Variants in RGS6 observed in about 807,000 individuals in gnomAD.
RGS6 encodes the protein regulator of G-protein signaling 6.
Under a neutral mutation model 78.5 loss-of-function variants are expected in RGS6, and 30 were observed. That is an observed-to-expected ratio of 0.38 (90% confidence interval 0.29 to 0.52). RGS6 has a LOEUF of 0.52. RGS6 is among the 20% of genes least tolerant of loss of function. The probability of loss-of-function intolerance (pLI) is 0.85; values close to 1 mark genes in which losing one functional copy is unlikely to be tolerated. For synonymous variants in RGS6, 206 were observed against 206.0 expected (o/e 1.00, Z 0.00); for missense variants, 495 against 609.7 (o/e 0.81, Z 1.98).
At chr14:72,479,029 T>C (rs1566945702) in intron 12 of RGS6, among the ~76,000 whole-genome samples, 1 of 152,238 alleles carries the variant, frequency 6.6e-6, no homozygotes, top group Non-Finnish European at 1.5e-5. Context: ...TATTCATCCA[T>C]ATGCTACCGT....
intron 2 of RGS6, among the ~76,000 whole-genome samples, chr14:72,129,138 A>C (rs1398752664): frequency 1.3e-5 from 2 of 152,168 alleles, no homozygotes; most frequent in Non-Finnish European, 2.9e-5. Context: ...GGGCTGAGAA[A>C]ACTGCGTGGA....
chr14:72,492,726 C>T (rs998971257), intron 12 of RGS6, among the ~76,000 whole-genome samples: 26 of 152,166 alleles, frequency 1.7e-4, no homozygotes, highest in African/African-American at 6.3e-4. Flanking sequence ...ACCCTGCTCT[C>T]AGGCCTCCAG....
At chr14:72,374,360 A>G (rs1278479662) in intron 3 of RGS6, among the ~76,000 whole-genome samples, 1 of 151,968 alleles carries the variant, frequency 6.6e-6, no homozygotes, top group Non-Finnish European at 1.5e-5. Context: ...TGTCCCTGCA[A>G]TAGTTTGCTG....
the RGS6 span, among the ~76,000 whole-genome samples, chr14:71,868,865 G>A: frequency 1.3e-5 from 2 of 152,268 alleles, no homozygotes; most frequent in African/African-American, 2.4e-5. Context: ...ATTCTAGGGT[G>A]CCTAGCACAG....
At chr14:72,032,146 C>T (rs773414296) in intron 2 of RGS6, among the ~76,000 whole-genome samples, 1 of 152,032 alleles carries the variant, frequency 6.6e-6, no homozygotes, top group Non-Finnish European at 1.5e-5. Context: ...TGTCTGCTAA[C>T]CGTTACATAA....
the RGS6 span, among the ~76,000 whole-genome samples, chr14:72,624,835 G>C: frequency 6.6e-6 from 1 of 152,188 alleles, no homozygotes; most frequent in South Asian, 2.1e-4. Flanking sequence ...CTCATGATAA[G>C]ATCCACATAT....
the RGS6 span, among the ~76,000 whole-genome samples, chr14:72,580,834 A>T: frequency 6.6e-6 from 1 of 152,192 alleles, no homozygotes. Context: ...GGGCCTCAGG[A>T]GTGAGCAGGG....
chr14:72,195,709 G>C (rs2039936190), intron 2 of RGS6, among the ~76,000 whole-genome samples: 1 of 152,232 alleles, frequency 6.6e-6, no homozygotes, highest in African/African-American at 2.4e-5. Flanking sequence ...TTCCTGAGCA[G>C]CAAGTGATCA....
At chr14:72,004,406 A>T (rs1257964576) in intron 2 of RGS6, among the ~76,000 whole-genome samples, 1 of 152,238 alleles carries the variant, frequency 6.6e-6, no homozygotes, top group Non-Finnish European at 1.5e-5. Flanking sequence ...AAGAAATTCA[A>T]ATGCTTTTTA....
chr14:72,580,026 C>T, the RGS6 span, among the ~76,000 whole-genome samples: 1 of 152,302 alleles, frequency 6.6e-6, no homozygotes, highest in African/African-American at 2.4e-5. Context: ...GGACACCTAG[C>T]CTCTTAAATT....
intron 3 of RGS6, among the ~76,000 whole-genome samples, chr14:72,392,768 T>C (rs2090316689): frequency 6.6e-6 from 1 of 152,132 alleles, no homozygotes; most frequent in Admixed American, 6.5e-5. Flanking sequence ...TGGAGAATGG[T>C]TGCAAAGCCT....
At chr14:72,012,231 A>G (rs1478876507) in intron 2 of RGS6, among the ~76,000 whole-genome samples, 2 of 152,224 alleles carry the variant, frequency 1.3e-5, no homozygotes, top group African/African-American at 4.8e-5. Flanking sequence ...AGCAAAAGTT[A>G]ATAAAATCAC....
At chr14:72,531,019 T>A (rs957146644) in intron 15 of RGS6, among the ~76,000 whole-genome samples, 2 of 152,266 alleles carry the variant, frequency 1.3e-5, no homozygotes, top group African/African-American at 2.4e-5. Flanking sequence ...TCAAGGCACT[T>A]AAACAAGAGT....
intron 2 of RGS6, among the ~76,000 whole-genome samples, chr14:72,057,672 A>G (rs1354393605): frequency 3.3e-5 from 5 of 152,174 alleles, no homozygotes; most frequent in East Asian, 1.9e-4. Flanking sequence ...AAACTAGCAG[A>G]CTTGATTGCA....
chr14:72,561,067 T>C (rs1157547108), intron 17 of RGS6, among the ~76,000 whole-genome samples: 2 of 152,202 alleles, frequency 1.3e-5, no homozygotes, highest in Non-Finnish European at 2.9e-5. Flanking sequence ...CATTGTCCTG[T>C]ATCCAGCAAA....
At chr14:72,232,597 C>A (rs970522711) in intron 2 of RGS6, among the ~76,000 whole-genome samples, 1 of 152,154 alleles carries the variant, frequency 6.6e-6, no homozygotes, top group Non-Finnish European at 1.5e-5. Context: ...CATGAGCAGC[C>A]ACTGCCTGGA....
chr14:72,070,708 C>T (rs1200583238), intron 2 of RGS6, among the ~76,000 whole-genome samples: 1 of 152,202 alleles, frequency 6.6e-6, no homozygotes, highest in Non-Finnish European at 1.5e-5. Flanking sequence ...AAAGGGAGCA[C>T]TGGATGGATT....
At chr14:71,928,059 G>A (rs1193171379), upstream of RGS6, among the ~76,000 whole-genome samples, 1 of 151,986 alleles carries the variant, frequency 6.6e-6, no homozygotes, top group East Asian at 1.9e-4. Flanking sequence ...ATCTCACTAT[G>A]TTGCCCAGGC....
intron 15 of RGS6, among the ~76,000 whole-genome samples, chr14:72,528,408 A>G (rs1269687495): frequency 6.6e-6 from 1 of 152,172 alleles, no homozygotes; most frequent in Non-Finnish European, 1.5e-5. Context: ...TACAGCCATC[A>G]ACCACTCCAG....
Sources: gnomAD v4.1 joint callset for allele counts (sites outside exome capture counted in the v4.1 genomes callset) on GRCh38, gnomAD v4.1.1 for gene constraint, MANE v1.5 for transcripts, NCBI Gene and HGNC (gene_info 2026-07-23, HGNC 2026-07-21) for gene names.